The following ZFHX3 variants were observed in gnomAD, a reference collection of about 807,000 sequenced individuals.
The protein encoded by ZFHX3 is zinc finger homeobox 3.
Under a neutral mutation model 279.1 loss-of-function variants are expected in ZFHX3, and 42 were observed. The ratio of observed to expected loss-of-function variants is 0.15; its 90% CI spans 0.12 to 0.19. ZFHX3 has a LOEUF of 0.19. ZFHX3 is among the 10% of genes least tolerant of loss of function. The pLI, the probability that ZFHX3 is intolerant of heterozygous loss-of-function variation, is 1.00. For missense variants in ZFHX3, 4,981 were observed against 4,754.0 expected (o/e 1.05, Z -1.40); for synonymous variants, 2,293 against 1,957.8 (o/e 1.17, Z -4.52).
chr16:73,023,322 C>G (rs550565279), intron 1 of ZFHX3, among the ~76,000 whole-genome samples: 3 of 152,198 alleles, frequency 2.0e-5, no homozygotes, highest in Non-Finnish European at 2.9e-5. Flanking sequence ...GTGCAACCTC[C>G]GCACAGAGAC....
At chr16:73,791,847 A>G (rs1959834283) in intron 1 of ZFHX3, among the ~76,000 whole-genome samples, 1 of 152,244 alleles carries the variant, frequency 6.6e-6, no homozygotes, top group African/African-American at 2.4e-5. Flanking sequence ...GTGTTATAGT[A>G]TGCTAAATGG....
chr16:73,255,518 C>G (rs536094316), intron 5 of ZFHX3, among the ~76,000 whole-genome samples: 1 of 152,274 alleles, frequency 6.6e-6, no homozygotes, highest in East Asian at 1.9e-4. Flanking sequence ...ATCCAGTCCA[C>G]AGTAGACAAC....
intron 5 of ZFHX3, among the ~76,000 whole-genome samples, chr16:73,186,146 G>C (rs1292765573): frequency 1.3e-5 from 2 of 152,070 alleles, no homozygotes; most frequent in African/African-American, 4.8e-5. Context: ...GATTCTACAT[G>C]ATAGTAAGTT....
At chr16:72,956,371 C>T in intron 2 of ZFHX3, among the ~76,000 whole-genome samples, 1 of 152,322 alleles carries the variant, frequency 6.6e-6, no homozygotes, top group Middle Eastern at 3.4e-3. Context: ...TTAGCAGCGT[C>T]ACGGGATGGG....
chr16:72,880,613 C>G (rs1305320040), intron 4 of ZFHX3, among the ~76,000 whole-genome samples: 1 of 152,158 alleles, frequency 6.6e-6, no homozygotes, highest in Non-Finnish European at 1.5e-5. Context: ...TACACACATT[C>G]TTTTTTGACT....
At chr16:72,899,372 T>G (rs973828791) in intron 3 of ZFHX3, among the ~76,000 whole-genome samples, 2 of 152,308 alleles carry the variant, frequency 1.3e-5, no homozygotes, top group South Asian at 4.1e-4. Context: ...CACTCTGCAC[T>G]TCTCTTCCTG....
Position 73,890,240 on chromosome 16 carries a change from CAAAA to C in ZFHX3, c.-1608+1407_-1608+1410del, listed in dbSNP as rs59693506. On this transcript the variant is annotated intron_variant, in intron 1 of 17. Transcript: ENST00000641206. ...AATTGTAAGAGTGTAAAAAAAAAAC[CAAAA>C]AAAAAAAAAACAACAAAAAAAAACC... Among the ~76,000 whole-genome samples, 796 of 130,100 alleles carry C rather than the reference CAAAA, an allele frequency of 6.1e-3. 6 individuals carry two copies. Among genetic ancestry groups the C allele is most frequent in the African/African-American group, 0.021 (752 of 35,096 alleles). The allele number at this position is 130,100 out of a possible 152,430, so 85.4% of individuals were successfully genotyped here.
chr16:73,264,350 A>G (rs2013906227), intron 4 of ZFHX3, among the ~76,000 whole-genome samples: 1 of 152,002 alleles, frequency 6.6e-6, no homozygotes, highest in African/African-American at 2.4e-5. Flanking sequence ...TTTCCATTAA[A>G]TTTAATGCCC....
chr16:73,270,968 A>G lies in ZFHX3; in HGVS notation c.-1193-13832T>C, dbSNP rs575089842. On this transcript the variant is annotated intron_variant, in intron 4 of 17. Coordinates refer to the ZFHX3 transcript ENST00000641206. ...ATTTCTTCCCTCATTTTAAAGCAAT[A>G]CTAAGCATGGAATTTTTTAAATTGG... Among the ~76,000 whole-genome samples the G allele has an allele frequency of 4.7e-4, 71 of 152,332 alleles. No individual in the cohort carries two copies. In the Middle Eastern group the frequency reaches 0.02, roughly 44 times the overall value.
intron 2 of ZFHX3, among the ~76,000 whole-genome samples, chr16:73,473,348 A>AAC (rs2018705023): frequency 3.7e-5 from 2 of 53,678 alleles, no homozygotes; most frequent in Non-Finnish European, 7.8e-5. Flanking sequence ...GCAAAAAAAA[A>AAC]AAAAAAAAAC....
At chr16:73,020,530 T>C (rs1464829947) in intron 1 of ZFHX3, among the ~76,000 whole-genome samples, 3 of 152,198 alleles carry the variant, frequency 2.0e-5, no homozygotes, top group Non-Finnish European at 2.9e-5. Flanking sequence ...GCGGGACCCA[T>C]GGGACAAACC....
intron 1 of ZFHX3, among the ~76,000 whole-genome samples, chr16:73,751,015 T>C (rs2053757561): frequency 6.6e-6 from 1 of 152,218 alleles, no homozygotes; most frequent in Admixed American, 6.5e-5. Flanking sequence ...TCTAGAGTTG[T>C]ATCCATTAGA....
At chr16:73,033,496 G>C (rs1053863575) in intron 1 of ZFHX3, among the ~76,000 whole-genome samples, 2 of 152,066 alleles carry the variant, frequency 1.3e-5, no homozygotes, top group African/African-American at 4.8e-5. Flanking sequence ...AACGTGAACA[G>C]TTTCAACTTG....
intron 2 of ZFHX3, among the ~76,000 whole-genome samples, chr16:73,482,198 A>ACAG (rs2143628181): frequency 6.6e-6 from 1 of 152,290 alleles, no homozygotes; most frequent in Admixed American, 6.5e-5. Flanking sequence ...GGGAGCTGAT[A>ACAG]CAGCAGTGCC....
intron 3 of ZFHX3, among the ~76,000 whole-genome samples, chr16:73,396,058 C>T (rs1460789598): frequency 6.6e-6 from 1 of 152,164 alleles, no homozygotes; most frequent in African/African-American, 2.4e-5. Context: ...AGGCCAGGGC[C>T]TTAGAGGAAT....
intron 2 of ZFHX3, among the ~76,000 whole-genome samples, chr16:73,589,888 G>A (rs1485179321): frequency 2.6e-5 from 4 of 151,796 alleles, no homozygotes; most frequent in Non-Finnish European, 5.9e-5. Flanking sequence ...GACGCTAACT[G>A]TGTAACTAGT....
chr16:73,097,269 T>G (rs1966177509), intron 7 of ZFHX3, among the ~76,000 whole-genome samples: 1 of 147,854 alleles, frequency 6.8e-6, no homozygotes, highest in Admixed American at 6.8e-5. Flanking sequence ...GGACTTGCTC[T>G]GTTGCCCAGG....
At chr16:73,754,142 C>T (rs1303088240) in intron 1 of ZFHX3, among the ~76,000 whole-genome samples, 4 of 152,044 alleles carry the variant, frequency 2.6e-5, no homozygotes, top group Admixed American at 2.6e-4. Context: ...GTAGGTTCTC[C>T]CAAACTTACT....
At chr16:73,738,960 T>A (rs755802424) in intron 1 of ZFHX3, among the ~76,000 whole-genome samples, 44 of 151,878 alleles carry the variant, frequency 2.9e-4, no homozygotes, top group Non-Finnish European at 5.9e-4. Context: ...TTCTCCTCTG[T>A]GAGTCCAACT....
Sources: allele counts gnomAD v4.1 joint callset (sites outside exome capture counted in the v4.1 genomes callset), GRCh38; gene constraint gnomAD v4.1.1; transcripts MANE v1.5; gene names NCBI Gene and HGNC (gene_info 2026-07-23, HGNC 2026-07-21).